PSMD4: variants seen among roughly 807,000 people sequenced by gnomAD.
The protein encoded by PSMD4 is proteasome 26S subunit ubiquitin receptor, non-ATPase 4.
A neutral mutation model predicts 39.7 loss-of-function variants in PSMD4; 5 were observed. That is an observed-to-expected ratio of 0.13 (90% CI 0.07 to 0.26). The LOEUF (loss-of-function observed/expected upper bound fraction) is 0.26. Among genes scored for constraint, PSMD4 ranks in the 10% least tolerant of loss-of-function variants. The pLI is 1.00. For synonymous variants in PSMD4, 143 were observed against 174.6 expected (o/e 0.82, Z 1.43); for missense variants, 272 against 486.1 (o/e 0.56, Z 4.14).
chr1:151,263,162 G>A (rs1460724494), intron 2 of PSMD4, among the ~76,000 whole-genome samples: 1 of 152,150 alleles, frequency 6.6e-6, no homozygotes, highest in African/African-American at 2.4e-5. Flanking sequence ...AATACTAGAT[G>A]TTTGATTGAG....
rs1394868440 is a variant in PSMD4 at position 151,258,144 on chromosome 1, CT to C, written c.26+3337del. 9.9e-4 allele frequency among the ~76,000 whole-genome samples: 150 copies of C among 152,088 alleles called. 1 individual carries two copies. Among genetic ancestry groups the C allele is most frequent in the Non-Finnish European group, 2.6e-4 (18 of 68,000 alleles). On this transcript the variant is annotated intron_variant, in intron 1 of 9. Transcript: ENST00000368884. ...GTTCAAATGATTCTCCTGTCTCAGCCTCCCGAGTAGCTGGGATTACAGGTGC... is the reference window on the plus strand; with the variant it reads ...GTTCAAATGATTCTCCTGTCTCAGCCCCCGAGTAGCTGGGATTACAGGTGC...
chr1:151,256,825 C>G (rs888752189), intron 1 of PSMD4, among the ~76,000 whole-genome samples: 1 of 151,556 alleles, frequency 6.6e-6, no homozygotes, highest in Non-Finnish European at 1.5e-5. Flanking sequence ...CTTCGGCTCA[C>G]CGCAACCTCC....
intron 1 of PSMD4, among the ~76,000 whole-genome samples, chr1:151,257,315 A>C (rs1410322076): frequency 1.3e-5 from 2 of 152,132 alleles, no homozygotes; most frequent in African/African-American, 4.8e-5. Context: ...TTTTTGTACC[A>C]GTGCCATGCG....
intron 1 of PSMD4, among the ~76,000 whole-genome samples, chr1:151,256,746 CA>C (rs1439064841): frequency 3.5e-5 from 5 of 142,526 alleles, no homozygotes; most frequent in African/African-American, 1.3e-4. Context: ...CTCCTTTGCC[CA>C]CTTTTTTTTT....
intron 2 of PSMD4, chr1:151,262,608 C>G: frequency 3.2e-6 from 1 of 313,688 alleles, no homozygotes; most frequent in Non-Finnish European, 6.2e-6. Context: ...GGCACAGTGG[C>G]TCATGTCTGT....
In PSMD4 at chr1:151,254,767, G is replaced by A. The variant is rs1693123624; in HGVS notation, c.-16G>A. ...GCCGTCCCGGAGACCCGGTCGGGAG[G>A]GAGGAAGGTGGCAAGATGGTGTTGG... On this transcript the variant is annotated 5_prime_UTR_variant, in exon 1 of 10. Transcript: ENST00000368884. 1.3e-6 allele frequency: 2 copies of A among 1,561,372 alleles called. No individual in the cohort carries two copies. Among genetic ancestry groups the A allele is most frequent in the Non-Finnish European group, 1.7e-6 (2 of 1,154,240 alleles).
chr1:151,256,734 G>A (rs1693182981), intron 1 of PSMD4, among the ~76,000 whole-genome samples: 2 of 149,272 alleles, frequency 1.3e-5, no homozygotes, highest in African/African-American at 2.5e-5. Context: ...CACTGTGCCC[G>A]GCTCCTTTGC....
intron 1 of PSMD4, among the ~76,000 whole-genome samples, chr1:151,261,764 G>A (rs1251311282): frequency 6.6e-6 from 1 of 151,962 alleles, no homozygotes; most frequent in East Asian, 1.9e-4. Flanking sequence ...GACCAGCTTG[G>A]GCAACATAGC....
chr1:151,259,617 C>T (rs892523684), intron 1 of PSMD4, among the ~76,000 whole-genome samples: 4 of 152,078 alleles, frequency 2.6e-5, no homozygotes, highest in South Asian at 2.1e-4. Context: ...GGCTAGGTGC[C>T]GTGGCTCACA....
At position 151,265,214 on chromosome 1, in the gene PSMD4, A is replaced by G. The variant is rs147198219; in HGVS notation, c.418A>G (p.Ile140Val). 4 of 1,613,606 alleles carry G rather than the reference A, an allele frequency of 2.5e-6. No individual in the cohort carries two copies. The highest frequency in any genetic ancestry group is 1.7e-6 in the Non-Finnish European group (2 of 1,179,824). ...RLKKEKVNVDIINFGEEEVNT... is the reference protein window; with the variant it reads ...RLKKEKVNVDVINFGEEEVNT... ...CAAGAAGGAGAAAGTAAATGTTGAC[A>G]TTATCAATTTTGGGGAAGAGGTGAG... The change falls in exon 5 of 10, where the codon ATT (isoleucine) becomes GTT (valine). Residue 140 changes from isoleucine (I) to valine (V), a missense_variant. Coordinates refer to ENST00000368884, the MANE Select transcript of PSMD4 (RefSeq NM_002810.4).
At chr1:151,262,138 G>T (rs766109629) in intron 1 of PSMD4, 23 bp from the exon 2 acceptor site, 4 of 1,613,712 alleles carry the variant, frequency 2.5e-6, no homozygotes, top group African/African-American at 1.3e-5. Context: ...CTTCTCTCTT[G>T]TCCTTCAACC....
chr1:151,263,525 C>A (rs1693357631), intron 2 of PSMD4, among the ~76,000 whole-genome samples: 1 of 150,716 alleles, frequency 6.6e-6, no homozygotes, highest in Non-Finnish European at 1.5e-5. Context: ...TTATCCAGGT[C>A]TTTAAAGAAA....
At chr1:151,256,354 A>AAT (rs1693166571) in intron 1 of PSMD4, among the ~76,000 whole-genome samples, 2 of 44,892 alleles carry the variant, frequency 4.5e-5, no homozygotes, top group Non-Finnish European at 4.7e-5. Flanking sequence ...AAAAAAAAAA[A>AAT]AATAATAATA....
At chr1:151,264,368 G>A (rs1033018248) in intron 3 of PSMD4, among the ~76,000 whole-genome samples, 4 of 151,378 alleles carry the variant, frequency 2.6e-5, no homozygotes, top group South Asian at 4.2e-4. Flanking sequence ...GGCCGGGCGC[G>A]GTGGCTCACA....
chr1:151,258,272 C>G (rs1244916140), intron 1 of PSMD4, among the ~76,000 whole-genome samples: 1 of 151,984 alleles, frequency 6.6e-6, no homozygotes, highest in Non-Finnish European at 1.5e-5. Context: ...AGGTGATCCA[C>G]CAGCCTCAGC....
At chr1:151,254,854 C>A in intron 1 of PSMD4, 46 bp downstream of exon 1, 1 of 1,402,010 alleles carries the variant, frequency 7.1e-7, no homozygotes, top group Non-Finnish European at 9.3e-7. Context: ...GGGTTCCGGG[C>A]GCGTGTAGCG....
intron 1 of PSMD4, chr1:151,259,335 G>C (rs587755897): frequency 5.5e-4 from 83 of 152,234 alleles, no homozygotes; most frequent in African/African-American, 2.0e-3. Flanking sequence ...CCCTAATCTG[G>C]AAGTCTGAAG....
At position 151,255,637 on chromosome 1, in the gene PSMD4, A is replaced by G. The variant is rs141532688; in HGVS notation, c.26+829A>G. On this transcript the variant is annotated intron_variant, in intron 1 of 9. Transcript: ENST00000368884. ...CACCGATTGGGTGAAACAGGCACCT[A>G]TGAGATTTCTTCTTTTTATTTTCTC... Among the ~76,000 whole-genome samples, 189 of 152,302 alleles carry G rather than the reference A, an allele frequency of 1.2e-3. 1 individual carries two copies. Among genetic ancestry groups the G allele is most frequent in the Non-Finnish European group, 1.7e-3 (119 of 68,022 alleles).
chr1:151,260,456 TC>T (rs780698394), intron 1 of PSMD4, among the ~76,000 whole-genome samples: 1 of 152,214 alleles, frequency 6.6e-6, no homozygotes, highest in Non-Finnish European at 1.5e-5. Flanking sequence ...AGACTTCAGA[TC>T]CACAAAACCT....
Sources: gnomAD v4.1 joint callset for allele counts (sites outside exome capture counted in the v4.1 genomes callset) on GRCh38, gnomAD v4.1.1 for gene constraint, MANE v1.5 for transcripts, NCBI Gene and HGNC (gene_info 2026-07-23, HGNC 2026-07-21) for gene names.